The following ZSWIM8 variants were observed in gnomAD, a reference collection of about 807,000 sequenced individuals.
ZSWIM8 encodes the protein zinc finger SWIM-type containing 8.
ZSWIM8 carries 27 observed loss-of-function variants against 173.7 expected under a neutral mutation model. The ratio of observed to expected loss-of-function variants is 0.16; its 90% confidence interval spans 0.11 to 0.21. The LOEUF (loss-of-function observed/expected upper bound fraction) is 0.21, where lower values mean the gene tolerates loss of function less well. ZSWIM8 is among the 10% of genes least tolerant of loss of function. ZSWIM8 has a pLI of 1.00. For synonymous variants in ZSWIM8, 958 were observed against 962.0 expected, an observed-to-expected ratio of 1.00 and a Z score of 0.08; for missense variants, 1,627 against 2,428.8, an observed-to-expected ratio of 0.67 and a Z score of 6.94.
Position 73,797,456 on chromosome 10 carries a change from G to A in ZSWIM8, c.3513G>A (p.Gly1171=). ...CCTTAAGCCGGAGACCACTTCGAGG[G>A]GGCTGGGCCCCCACCTCCTGGGGTC... ...SPTLSRRPLR[G]GWAPTSWGRG... Residue 1171 remains glycine, a synonymous_variant, in exon 18 of 26, where the codon GGG becomes GGA. Transcript: ENST00000604729. This position sits in a 1 kb window ranked among gnomAD's most constrained non-coding sequence, Gnocchi z 5.6. 1 of 1,613,962 alleles carries A rather than the reference G, an allele frequency of 6.2e-7. No individual in the cohort carries two copies. Among genetic ancestry groups the A allele is most frequent in the Non-Finnish European group, 8.5e-7 (1 of 1,179,872 alleles).
chr10:73,794,369 TA>T (rs1258937108), intron 13 of ZSWIM8, 39 bp downstream of exon 13: 1 of 1,602,266 alleles, frequency 6.2e-7, no homozygotes, highest in Non-Finnish European at 8.5e-7. Context: ...GGAACTGGGG[TA>T]GGGGTAGCTT....
chr10:73,786,140 G>T, intron 1 of ZSWIM8, 54 bp downstream of exon 1: 1 of 1,463,620 alleles, frequency 6.8e-7, no homozygotes, highest in Non-Finnish European at 9.1e-7. Flanking sequence ...GGCCTCGCTC[G>T]GGAGCTGTCC....
In ZSWIM8 at chr10:73,786,002, C is replaced by T. The variant is rs1434793002; in HGVS notation, c.124C>T (p.Arg42Trp). Reference sequence around the variant, plus strand: ...GGCCGAGAGCCTCTGCCAGAACTGGCGGGGATGGCGCAAACAGTCAGCGGG... The same window carrying T: ...GGCCGAGAGCCTCTGCCAGAACTGGTGGGGATGGCGCAAACAGTCAGCGGG... ...SEAESLCQNW[R>W]GWRKQSAGPN... Residue 42 changes from arginine (R) to tryptophan (W), a missense_variant, in exon 1 of 26, where the codon CGG becomes TGG. This residue lies in a region of ZSWIM8 where 60 missense variants were observed against 93.9 expected (regional missense o/e 0.64). Transcript: ENST00000604729. 3 of 1,600,310 alleles carry T rather than the reference C, an allele frequency of 1.9e-6. No individual in the cohort carries two copies. Among genetic ancestry groups the T allele is most frequent in the South Asian group, 1.1e-5 (1 of 89,192 alleles).
chr10:73,791,797 C>G lies in ZSWIM8; in HGVS notation c.1320-62C>G, dbSNP rs376221648. 2.1e-6 allele frequency: 3 copies of G among 1,461,934 alleles called. No homozygotes were observed. The highest frequency in any genetic ancestry group is 5.0e-5 in the East Asian group (2 of 39,792). The allele number at this position is 1,461,934 out of a possible 1,614,324, so 90.6% of individuals were successfully genotyped here. A position where few individuals can be genotyped will look rare whatever the true frequency, so the allele number is the denominator to read the frequency against. ...CCATGCCTCTCTTTGGGGTGTACACCTACTCCATGCCCATCCTTTCCCAGT... is the reference window on the plus strand; with the variant it reads ...CCATGCCTCTCTTTGGGGTGTACACGTACTCCATGCCCATCCTTTCCCAGT... On this transcript the variant is annotated intron_variant, in intron 9 of 25. Transcript: ENST00000604729. This position sits in a 1 kb window ranked among gnomAD's most constrained non-coding sequence, Gnocchi z 6.0.
intron 7 of ZSWIM8, 21 bp downstream of exon 7, chr10:73,790,313 C>A: frequency 1.9e-6 from 3 of 1,580,882 alleles, no homozygotes; most frequent in South Asian, 1.2e-5. Context: ...TCTCTGCATA[C>A]CTGTGTCTGT....
At position 73,797,123 on chromosome 10, in the gene ZSWIM8, A is replaced by G. The variant is rs781089262; in HGVS notation, c.3285A>G (p.Pro1095=). ...FTEKNVPESS[P]HSPCEGLPSE... is the part of the protein sequence containing the mutation. ...GTTTTCCTCACCTAGAGAGTTCCCC[A>G]CATTCCCCCTGTGAGGGTCTTCCAT... Residue 1095 remains proline, a synonymous_variant, in exon 17 of 26, where the codon CCA becomes CCG. Transcript: ENST00000604729. The surrounding 1 kb of genome is among the most constrained non-coding windows in gnomAD (Gnocchi z 5.6). The G allele has an allele frequency of 6.2e-7, 1 of 1,613,458 alleles. No individual in the cohort carries two copies. Among genetic ancestry groups the G allele is most frequent in the South Asian group, 1.1e-5 (1 of 91,000 alleles).
Position 73,792,660 on chromosome 10 carries a change from G to C in ZSWIM8, c.2121G>C (p.Glu707Asp). 6.2e-7 allele frequency: 1 copy of C among 1,614,030 alleles called. No individual in the cohort carries two copies. The part of the protein sequence containing the change: ...CTQDDLPSTD[E>D]SGNGLPKTKE... ...AGGACGACCTCCCTTCTACAGATGA[G>C]AGTGGCAATGGGCTTCCCAAAACCA... Residue 707 changes from glutamate (E) to aspartate (D), a missense_variant, in exon 10 of 26, where the codon GAG becomes GAC. By Grantham distance (45) the Glu-to-Asp change is conservative (BLOSUM62 2). Coordinates refer to ENST00000604729, the MANE Select transcript of ZSWIM8 (RefSeq NM_001367799.1). This position sits in a 1 kb window ranked among gnomAD's most constrained non-coding sequence, Gnocchi z 4.3.
rs1383686292 is a variant in ZSWIM8 at position 73,792,056 on chromosome 10, T to C, written c.1517T>C (p.Leu506Pro). ...TYSGTDRKLALCWARALPSRP... is the reference protein window; with the variant it reads ...TYSGTDRKLAPCWARALPSRP... ...AGCGGCACTGACAGGAAGCTGGCAC[T>C]GTGCTGGGCCCGGGCCCTGCCCTCT... Residue 506 changes from leucine (L) to proline (P), a missense_variant, in exon 10 of 26, where the codon CTG (leucine) becomes CCG (proline). Leu to Pro is a moderately conservative substitution (Grantham distance 98). Transcript: ENST00000604729. This position sits in a 1 kb window ranked among gnomAD's most constrained non-coding sequence, Gnocchi z 4.3. 2 of 1,545,242 alleles carry C rather than the reference T, an allele frequency of 1.3e-6. No homozygotes were observed. The highest frequency in any genetic ancestry group is 3.4e-4 in the Middle Eastern group (2 of 5,962).
chr10:73,797,967 C>T lies in ZSWIM8; in HGVS notation c.3849C>T (p.His1283=). 3.7e-6 allele frequency: 6 copies of T among 1,614,042 alleles called. No individual in the cohort carries two copies. The highest frequency in any genetic ancestry group is 5.1e-6 in the Non-Finnish European group (6 of 1,179,904). The change falls in exon 19 of 26, where the codon CAC becomes CAT. Residue 1283 remains histidine (H), a synonymous_variant. Transcript: ENST00000604729. This position sits in a 1 kb window ranked among gnomAD's most constrained non-coding sequence, Gnocchi z 5.6. ...ACCAGGGTCCTCACCGCAACCTGCA[C>T]CTTTGCGCCTTCGAGATTGGGCTTT... is the stretch of plus-strand genomic sequence containing the variant. The part of the protein sequence containing the change: ...GGHQGPHRNL[H]LCAFEIGLYA...
rs375314134 is a variant in ZSWIM8 at position 73,790,056 on chromosome 10, A to G, written c.820+19A>G. 1.9e-6 allele frequency: 3 copies of G among 1,610,680 alleles called. No individual in the cohort carries two copies. The highest frequency in any genetic ancestry group is 1.3e-5 in the African/African-American group (1 of 74,958). ...GCTCCGGGTGAGTGTGGTGAGAAAG[A>G]TTGGCAGTAGGAAGAAAGCCAGCTT... On this transcript the variant is annotated intron_variant, in intron 6 of 25. Transcript: ENST00000604729.
chr10:73,796,624 A>AC, intron 15 of ZSWIM8, 150 bp from the exon 16 acceptor site: 4 of 1,075,710 alleles, frequency 3.7e-6, no homozygotes, highest in Non-Finnish European at 5.2e-6. Flanking sequence ...AGACATGTAA[A>AC]CCAGGAGGTC....
At position 73,800,790 on chromosome 10, in the gene ZSWIM8, C is replaced by G. The variant is rs375040107; in HGVS notation, c.5122+31C>G. 18 of 1,488,390 alleles carry G rather than the reference C, an allele frequency of 1.2e-5. No homozygotes were observed. Among genetic ancestry groups the G allele is most frequent in the Admixed American group, 7.7e-5 (4 of 51,968 alleles). 92.2% of individuals were successfully genotyped at this position (1,488,390 alleles called of 1,614,324 possible). On this transcript the variant is annotated intron_variant, in intron 24 of 25. Transcript: ENST00000604729. This position sits in a 1 kb window ranked among gnomAD's most constrained non-coding sequence, Gnocchi z 4.1. The stretch of plus-strand genomic sequence containing the variant: ...ACCTCCCCTCCCTAGGACCATTGCC[C>G]CCCCCCCACCTGCTCTCCCCACCTT...
intron 15 of ZSWIM8, 23 bp downstream of exon 15, chr10:73,795,686 G>A (rs374464252): frequency 6.5e-5 from 104 of 1,603,570 alleles, no homozygotes; most frequent in Non-Finnish European, 8.7e-5. Context: ...GGCTGGGTGC[G>A]GTGGCTCATG....
chr10:73,788,540 C>T (rs1261163582), intron 1 of ZSWIM8, 130 bp from the exon 2 acceptor site: 3 of 1,168,518 alleles, frequency 2.6e-6, no homozygotes, highest in African/African-American at 1.5e-5. Context: ...CTAGGACTTT[C>T]ATCCAGGTCT....
Position 73,791,465 on chromosome 10 carries a change from C to A in ZSWIM8, c.1285C>A (p.Leu429Met). ...TGACGAGATGGTCACACTGTGGAGGCTGGCCGTGCTGGACCCTGCACTCAG... is the reference window on the plus strand; with the variant it reads ...TGACGAGATGGTCACACTGTGGAGGATGGCCGTGCTGGACCCTGCACTCAG... ...MCDEMVTLWR[L>M]AVLDPALSPQ... The change falls in exon 9 of 26, where the codon CTG (leucine) becomes ATG (methionine). Residue 429 changes from leucine to methionine, a missense_variant. Coordinates refer to ENST00000604729, the MANE Select transcript of ZSWIM8 (RefSeq NM_001367799.1). The surrounding 1 kb of genome is among the most constrained non-coding windows in gnomAD (Gnocchi z 6.0). 6.2e-7 allele frequency: 1 copy of A among 1,611,862 alleles called. No homozygotes were observed. The highest frequency in any genetic ancestry group is 1.3e-5 in the African/African-American group (1 of 75,044).
chr10:73,792,757 G>T lies in ZSWIM8; in HGVS notation c.2218G>T (p.Ala740Ser), dbSNP rs746693629. 1 of 1,612,766 alleles carries T rather than the reference G, an allele frequency of 6.2e-7. No homozygotes were observed. The highest frequency in any genetic ancestry group is 1.3e-5 in the African/African-American group (1 of 75,038). Residue 740 changes from alanine to serine, a missense_variant, in exon 10 of 26, where the codon GCT becomes TCT. By Grantham distance (99) the Ala-to-Ser change is moderately conservative. This residue lies in a region of ZSWIM8 where 383 missense variants were observed against 394.8 expected (regional missense o/e 0.97). Coordinates refer to ENST00000604729, the MANE Select transcript of ZSWIM8 (RefSeq NM_001367799.1). The surrounding 1 kb of genome is among the most constrained non-coding windows in gnomAD (Gnocchi z 4.3). ...QAYYLNAQDG[A>S]GGEEEKAEGG... ...GTACTATCTGAATGCCCAGGATGGG[G>T]CTGGGGGCGAGGAAGAGAAGGCCGA...
intron 1 of ZSWIM8, among the ~76,000 whole-genome samples, chr10:73,787,696 A>T (rs911852573): frequency 2.6e-5 from 4 of 152,000 alleles, no homozygotes; most frequent in Non-Finnish European, 5.9e-5. Context: ...TACTAAAAAT[A>T]CAAAAGATTC....
rs781533671 is a variant in ZSWIM8, at chr10:73,797,765, C to T, written c.3663-16C>T. 56 of 1,607,528 alleles carry T rather than the reference C, an allele frequency of 3.5e-5. No homozygotes were observed. The highest frequency in any genetic ancestry group is 1.3e-5 in the African/African-American group (1 of 74,744). ...AAGAAACCCCAACCCCCGTCCCTAC[C>T]CCATTGCCCCTTCAGGTACAAGGGC... On this transcript the variant is annotated splice_polypyrimidine_tract_variant and intron_variant, in intron 18 of 25. Transcript: ENST00000604729. The surrounding 1 kb of genome is among the most constrained non-coding windows in gnomAD (Gnocchi z 5.6).
In ZSWIM8 at chr10:73,792,330, C is replaced by G. The variant is rs1361184771; in HGVS notation, c.1791C>G (p.Gly597=). 1 of 1,612,736 alleles carries G rather than the reference C, an allele frequency of 6.2e-7. No homozygotes were observed. The highest frequency in any genetic ancestry group is 1.7e-5 in the Admixed American group (1 of 59,888). ...GTGGGGCTGGCAGTGGGAGCAAGGG[C>G]TCAGCAGGTGGCGGAAGCAAGCGAC... The part of the protein sequence containing the change: ...ALGGAGSGSK[G]SAGGGSKRRL... Residue 597 remains glycine (G), a synonymous_variant, in exon 10 of 26, where the codon GGC becomes GGG. Coordinates refer to ENST00000604729, the MANE Select transcript of ZSWIM8 (RefSeq NM_001367799.1). This position sits in a 1 kb window ranked among gnomAD's most constrained non-coding sequence, Gnocchi z 4.3.
Sources: gnomAD v4.1 joint callset for allele counts (sites outside exome capture counted in the v4.1 genomes callset) on GRCh38, gnomAD v4.1.1 for gene constraint, gnomAD v4.1.1 regional missense constraint, Gnocchi (gnomAD v3.1) non-coding constraint, MANE v1.5 for transcripts, NCBI Gene and HGNC (gene_info 2026-07-23, HGNC 2026-07-21) for gene names.